SEMA6D: variants seen among roughly 807,000 people sequenced by gnomAD.
The protein encoded by SEMA6D is semaphorin-6D.
SEMA6D carries 35 observed loss-of-function variants against 106.6 expected under a neutral mutation model. The ratio of observed to expected loss-of-function variants is 0.33; its 90% CI spans 0.25 to 0.44. The LOEUF is 0.44. SEMA6D is among the 20% of genes least tolerant of loss of function. SEMA6D has a pLI of 1.00. For missense variants in SEMA6D, 1,185 were observed against 1,345.9 expected, an observed-to-expected ratio of 0.88 and a Z score of 1.87; for synonymous variants, 499 against 487.7, an observed-to-expected ratio of 1.02 and a Z score of -0.31.
At chr15:47,621,916 G>GC (rs1372036387) in intron 4 of SEMA6D, among the ~76,000 whole-genome samples, 1 of 152,130 alleles carries the variant, frequency 6.6e-6, no homozygotes, top group African/African-American at 2.4e-5. Context: ...TGGCCTTCAA[G>GC]CACAACACTT....
At chr15:47,191,705 T>G (rs1893970458) in intron 1 of SEMA6D, among the ~76,000 whole-genome samples, 1 of 151,866 alleles carries the variant, frequency 6.6e-6, no homozygotes, top group Admixed American at 6.6e-5. Flanking sequence ...GTAGATGAAA[T>G]CATACATATT....
At chr15:47,416,848 T>C (rs1425233553) in intron 2 of SEMA6D, among the ~76,000 whole-genome samples, 1 of 152,132 alleles carries the variant, frequency 6.6e-6, no homozygotes, top group African/African-American at 2.4e-5. Flanking sequence ...CCCTATTACT[T>C]TGCAGCTGAT....
chr15:47,201,291 C>G (rs1369388121), intron 1 of SEMA6D, among the ~76,000 whole-genome samples: 5 of 152,160 alleles, frequency 3.3e-5, no homozygotes, highest in Admixed American at 3.3e-4. Flanking sequence ...TTACAGACAT[C>G]TCTACCATAT....
chr15:47,735,397 G>A (rs141392749), intron 1 of SEMA6D, among the ~76,000 whole-genome samples: 2 of 152,296 alleles, frequency 1.3e-5, no homozygotes, highest in African/African-American at 4.8e-5. Flanking sequence ...TTCAGTGTGG[G>A]AACCAAGATC....
chr15:47,412,229 A>G (rs947340426), intron 1 of SEMA6D, among the ~76,000 whole-genome samples: 1 of 152,134 alleles, frequency 6.6e-6, no homozygotes, highest in Non-Finnish European at 1.5e-5. Flanking sequence ...AAAAAAAAAG[A>G]AAATCCACTG....
At chr15:47,414,506 C>T (rs2040898054) in intron 2 of SEMA6D, among the ~76,000 whole-genome samples, 1 of 152,136 alleles carries the variant, frequency 6.6e-6, no homozygotes, top group Non-Finnish European at 1.5e-5. Context: ...TTATAAGCCT[C>T]CAAGGAAGTG....
At chr15:47,625,227 C>T (rs1209073507) in intron 4 of SEMA6D, among the ~76,000 whole-genome samples, 1 of 152,034 alleles carries the variant, frequency 6.6e-6, no homozygotes, top group African/African-American at 2.4e-5. Context: ...AAACCCAGTA[C>T]CCAGCTTATG....
At chr15:47,319,186 T>G (rs998224786) in intron 1 of SEMA6D, among the ~76,000 whole-genome samples, 17 of 152,236 alleles carry the variant, frequency 1.1e-4, no homozygotes, top group African/African-American at 3.9e-4. Flanking sequence ...TCTCTCTGCT[T>G]ACATTGATTG....
At chr15:47,513,706 G>A (rs893985223) in intron 3 of SEMA6D, among the ~76,000 whole-genome samples, 11 of 152,314 alleles carry the variant, frequency 7.2e-5, no homozygotes, top group East Asian at 5.8e-4. Context: ...GATAATGTGC[G>A]TGTGTCTGTG....
In SEMA6D at chr15:47,246,286, A is replaced by G. The variant is rs2033192320; in HGVS notation, c.-239+61868A>G. 3.9e-5 allele frequency among the ~76,000 whole-genome samples: 6 copies of G among 152,166 alleles called. No individual in the cohort carries two copies. The South Asian group carries it at 1.2e-3, about 32-fold the overall frequency. On this transcript the variant is annotated intron_variant, in intron 1 of 19. Coordinates refer to the SEMA6D transcript ENST00000558014. ...CTGAGAGTGAAGGGGTAAAGAGAGA[A>G]AACATAGGATTATTAGAGCCTAGTT...
intron 1 of SEMA6D, among the ~76,000 whole-genome samples, chr15:47,341,013 CAT>C (rs1225268472): frequency 6.6e-6 from 1 of 152,152 alleles, no homozygotes; most frequent in Non-Finnish European, 1.5e-5. Flanking sequence ...AAAGAAGGTT[CAT>C]ATATATGAAA....
intron 4 of SEMA6D, among the ~76,000 whole-genome samples, chr15:47,702,707 A>G (rs1169465704): frequency 6.6e-6 from 1 of 152,218 alleles, no homozygotes; most frequent in Non-Finnish European, 1.5e-5. Context: ...CTATCAATCT[A>G]TGAAAAGACA....
chr15:47,234,475 CTT>C (rs1182796007), intron 1 of SEMA6D, among the ~76,000 whole-genome samples: 1 of 151,816 alleles, frequency 6.6e-6, no homozygotes, highest in Non-Finnish European at 1.5e-5. Flanking sequence ...AATGTGTAAT[CTT>C]TTTATTCCTC....
intron 1 of SEMA6D, among the ~76,000 whole-genome samples, chr15:47,366,783 A>G (rs2039044745): frequency 6.6e-6 from 1 of 152,240 alleles, no homozygotes; most frequent in Admixed American, 6.5e-5. Flanking sequence ...CAGTGAGTAT[A>G]GGCAAGAAAG....
chr15:47,426,627 T>C (rs2041348050), intron 2 of SEMA6D, among the ~76,000 whole-genome samples: 1 of 152,116 alleles, frequency 6.6e-6, no homozygotes, highest in South Asian at 2.1e-4. Context: ...TTTTGGTCTT[T>C]TATTTACATT....
At chr15:47,734,098 G>T (rs538594438) in intron 1 of SEMA6D, among the ~76,000 whole-genome samples, 2 of 152,184 alleles carry the variant, frequency 1.3e-5, no homozygotes, top group Non-Finnish European at 1.5e-5. Context: ...ATTTTCAGAT[G>T]ATGAATTTTA....
chr15:47,454,577 A>G (rs13313462), intron 2 of SEMA6D, among the ~76,000 whole-genome samples: 72,978 of 150,278 alleles, frequency 0.49, 18,758 homozygotes, highest in African/African-American at 0.67. Flanking sequence ...TCACAGAGAG[A>G]GTTTACCATC....
At chr15:47,307,197 C>G (rs2036265110) in intron 1 of SEMA6D, among the ~76,000 whole-genome samples, 1 of 152,164 alleles carries the variant, frequency 6.6e-6, no homozygotes, top group Admixed American at 6.6e-5. Context: ...ACATAGAGAA[C>G]AGTCAATAAA....
At chr15:47,563,604 T>C (rs1016045259) in intron 3 of SEMA6D, among the ~76,000 whole-genome samples, 10 of 152,224 alleles carry the variant, frequency 6.6e-5, no homozygotes, top group African/African-American at 2.2e-4. Flanking sequence ...AGTTTTCTTC[T>C]TACATTACTC....
Sources: gnomAD v4.1 joint callset for allele counts (sites outside exome capture counted in the v4.1 genomes callset) on GRCh38, gnomAD v4.1.1 for gene constraint, MANE v1.5 for transcripts, NCBI Gene and HGNC (gene_info 2026-07-23, HGNC 2026-07-21) for gene names.